The following GLB1L3 variants were observed in gnomAD, a reference collection of about 807,000 sequenced individuals.
GLB1L3 encodes beta-galactosidase-1-like protein 3.
Under a neutral mutation model 89.5 loss-of-function variants are expected in GLB1L3, and 89 were observed. That is an observed-to-expected ratio of 0.99 (90% CI 0.84 to 1.19). GLB1L3 has a LOEUF of 1.19. GLB1L3 is among the 50% of genes most tolerant of loss of function. The pLI is 0.00. For missense variants in GLB1L3, 812 were observed against 813.3 expected (o/e 1.00, Z 0.02); for synonymous variants, 314 against 312.3 (o/e 1.01, Z -0.06).
chr11:134,292,925 T>A lies in GLB1L3; in HGVS notation c.812-220T>A, dbSNP rs1158721229. ...CTGGCTCACTTCTCTGCACAGAGTG[T>A]GGTTAATTTCAACAGTGGGTGTCCT... On this transcript the variant is annotated intron_variant, in intron 8 of 19. Transcript: ENST00000431683. 35 of 610,826 alleles carry A rather than the reference T, an allele frequency of 5.7e-5. No individual in the cohort carries two copies. The East Asian group carries it at 9.7e-4, about 17-fold the overall frequency. 37.8% of individuals were successfully genotyped at this position (610,826 alleles called of 1,614,324 possible).
chr11:134,292,329 C>A, intron 8 of GLB1L3, 116 bp downstream of exon 8: 1 of 696,706 alleles, frequency 1.4e-6, no homozygotes. Flanking sequence ...CCCGTGTCCA[C>A]TGGGATGGAT....
At chr11:134,318,317 TCAG>T (rs1289855890) in intron 18 of GLB1L3, among the ~76,000 whole-genome samples, 1 of 152,246 alleles carries the variant, frequency 6.6e-6, no homozygotes, top group Non-Finnish European at 1.5e-5. Flanking sequence ...ATAGCCACTG[TCAG>T]CAGTGGTGTT....
intron 18 of GLB1L3, among the ~76,000 whole-genome samples, chr11:134,318,094 A>G (rs899116137): frequency 3.3e-5 from 5 of 152,188 alleles, no homozygotes; most frequent in African/African-American, 1.2e-4. Context: ...TGAAATCAAG[A>G]CCAGCAACCT....
intron 6 of GLB1L3, among the ~76,000 whole-genome samples, chr11:134,285,827 C>T (rs375987481): frequency 3.3e-5 from 5 of 151,822 alleles, no homozygotes; most frequent in African/African-American, 1.2e-4. Context: ...TGATATCTTA[C>T]TCTTCTGTTT....
At chr11:134,282,176 A>C in intron 5 of GLB1L3, 56 bp downstream of exon 5, 1 of 1,490,206 alleles carries the variant, frequency 6.7e-7, no homozygotes, top group Non-Finnish European at 9.0e-7. Flanking sequence ...TGCTTTAAAA[A>C]AAGTGAATTT....
chr11:134,308,884 AC>A (rs1284874704), intron 10 of GLB1L3, among the ~76,000 whole-genome samples: 1 of 152,242 alleles, frequency 6.6e-6, no homozygotes, highest in Non-Finnish European at 1.5e-5. Context: ...AGTAACGAGC[AC>A]AGCCAGAATT....
intron 9 of GLB1L3, among the ~76,000 whole-genome samples, chr11:134,299,814 C>G (rs1187276698): frequency 1.3e-5 from 2 of 152,150 alleles, no homozygotes; most frequent in African/African-American, 2.4e-5. Flanking sequence ...GGTGCTCCTA[C>G]CCAGCTCTTC....
rs1941339670 is a variant in GLB1L3, at chr11:134,291,265, C to T, written c.730-867C>T. 6.0e-5 allele frequency among the ~76,000 whole-genome samples: 9 copies of T among 149,444 alleles called. No individual in the cohort carries two copies. In the South Asian group the frequency reaches 1.7e-3, roughly 28 times the overall value. ...CTTCCATGCAACCTATGCACATCCT[C>T]CCATATGCTTTTTTTTTTTTTTTCT... On this transcript the variant is annotated intron_variant, in intron 7 of 19. Transcript: ENST00000431683.
chr11:134,321,904 A>T (rs1943173531), downstream of GLB1L3, among the ~76,000 whole-genome samples: 1 of 140,080 alleles, frequency 7.1e-6, no homozygotes, highest in Non-Finnish European at 1.6e-5. Context: ...TGTACCCTAG[A>T]ACTTAAAGTA....
rs1405821419 is a variant in GLB1L3, at chr11:134,318,649, G to A, written c.1798G>A (p.Val600Met). Residue 600 changes from valine to methionine, a missense_variant, in exon 19 of 20, where the codon GTG (valine) becomes ATG (methionine). This residue lies in a region of GLB1L3 where 618 missense variants were observed against 604.0 expected (regional missense o/e 1.02). Transcript: ENST00000431683. Reference protein sequence around the residue: ...LSLLNWNYGFVFINGRNLGRY... With the variant: ...LSLLNWNYGFMFINGRNLGRY... ...CTTTCAGAACTGGAATTATGGATTTGTGTTCATCAATGGACGTAACCTTGG... is the reference window on the plus strand; with the variant it reads ...CTTTCAGAACTGGAATTATGGATTTATGTTCATCAATGGACGTAACCTTGG... The A allele has an allele frequency of 9.3e-6, 15 of 1,607,046 alleles. No homozygotes were observed. The highest frequency in any genetic ancestry group is 1.3e-5 in the African/African-American group (1 of 74,816).
chr11:134,313,276 G>A, intron 15 of GLB1L3, 120 bp from the exon 16 acceptor site: 1 of 701,454 alleles, frequency 1.4e-6, no homozygotes, highest in Non-Finnish European at 2.5e-6. Flanking sequence ...AAGACTGCTG[G>A]GCCCTGGAGC....
intron 9 of GLB1L3, among the ~76,000 whole-genome samples, chr11:134,299,783 C>T (rs537091367): frequency 2.0e-5 from 3 of 152,284 alleles, no homozygotes; most frequent in Admixed American, 6.5e-5. Context: ...GTCTGTGGGT[C>T]TGAGGGGTGT....
rs1591584118 is a variant in GLB1L3 at position 134,309,702 on chromosome 11, CT to C, written c.1041del (p.Phe347LeufsTer4). ...NVYMFHGGTNFGFMNGATYFG... is the reference protein window; with the variant it reads ...NVYMFHGGTNXGFMNGATYFG... ...TATATATGTTCCATGGTGGAACCAACTTTGGTTTCATGAACGGGGCCACATA... is the reference window on the plus strand; with the variant it reads ...TATATATGTTCCATGGTGGAACCAACTTGGTTTCATGAACGGGGCCACATA... On this transcript the variant is annotated frameshift_variant, in exon 11 of 20. Transcript: ENST00000431683. LOFTEE classifies it high-confidence loss of function. 4 of 1,613,362 alleles carry C rather than the reference CT, an allele frequency of 2.5e-6. No individual in the cohort carries two copies. The East Asian group carries it at 8.9e-5, about 36-fold the overall frequency.
At chr11:134,288,750 T>C in intron 6 of GLB1L3, 48 bp from the exon 7 acceptor site, 1 of 1,420,982 alleles carries the variant, frequency 7.0e-7, no homozygotes, top group Non-Finnish European at 9.8e-7. Context: ...CTCCAGGCTT[T>C]TGCCCCAAAT....
Position 134,308,220 on chromosome 11 carries a change from CCATCACCACCACCACCAT to C in GLB1L3, c.961+1015_961+1032del, listed in dbSNP as rs1565412477. Among the ~76,000 whole-genome samples, 15 of 23,148 alleles carry C rather than the reference CCATCACCACCACCACCAT, an allele frequency of 6.5e-4. 1 individual carries two copies. Among genetic ancestry groups the C allele is most frequent in the African/African-American group, 1.4e-3 (6 of 4,336 alleles). 15.2% of individuals were successfully genotyped at this position (23,148 alleles called of 152,430 possible). On this transcript the variant is annotated intron_variant, in intron 10 of 19. Coordinates refer to ENST00000431683, the MANE Select transcript of GLB1L3 (RefSeq NM_001080407.3). Reference sequence around the variant, plus strand: ...ATCACCACTACCACCACCACCATCACCATCACCACCACCACCATCACCATCACCACCATCACCACCACC... The same window carrying C: ...ATCACCACTACCACCACCACCATCACCACCATCACCACCATCACCACCACC...
chr11:134,311,693 G>T (rs1395551830), intron 13 of GLB1L3: 2 of 153,018 alleles, frequency 1.3e-5, no homozygotes, highest in African/African-American at 2.4e-5. Flanking sequence ...GTACACTAAA[G>T]AAACTACATT....
At chr11:134,278,174 A>C (rs994160411) in intron 3 of GLB1L3, among the ~76,000 whole-genome samples, 1 of 152,188 alleles carries the variant, frequency 6.6e-6, no homozygotes, top group African/African-American at 2.4e-5. Context: ...CTGTCTAATG[A>C]AGGAACACCA....
chr11:134,311,004 C>G, intron 12 of GLB1L3, 60 bp from the exon 13 acceptor site: 1 of 1,199,454 alleles, frequency 8.3e-7, no homozygotes, highest in Non-Finnish European at 1.2e-6. Flanking sequence ...GCATGGGGGG[C>G]TTAGAGAAGG....
chr11:134,303,116 C>G (rs1296974664), intron 9 of GLB1L3, among the ~76,000 whole-genome samples: 1 of 152,102 alleles, frequency 6.6e-6, no homozygotes, highest in East Asian at 1.9e-4. Context: ...TGCTTTTTGT[C>G]TTAAGGTCAC....
Sources: gnomAD v4.1 joint callset for allele counts (sites outside exome capture counted in the v4.1 genomes callset) on GRCh38, gnomAD v4.1.1 for gene constraint, gnomAD v4.1.1 regional missense constraint, MANE v1.5 for transcripts, NCBI Gene and HGNC (gene_info 2026-07-23, HGNC 2026-07-21) for gene names.